Variants in BBS9 observed in about 807,000 individuals in gnomAD.
The protein encoded by BBS9 is protein PTHB1.
In BBS9, 89 loss-of-function variants were observed where a neutral mutation model predicts 117.7. The ratio of observed to expected loss-of-function variants is 0.76; its 90% confidence interval spans 0.64 to 0.90. The LOEUF (loss-of-function observed/expected upper bound fraction) is 0.90. Among genes scored for constraint, BBS9 ranks in the 40% least tolerant of loss-of-function variants. BBS9 has a pLI of 0.00. For synonymous variants in BBS9, 379 were observed against 370.9 expected, an observed-to-expected ratio of 1.02 and a Z score of -0.25; for missense variants, 982 against 1,042.2, an observed-to-expected ratio of 0.94 and a Z score of 0.80.
At chr7:33,584,721 C>T (rs868830890) in intron 21 of BBS9, among the ~76,000 whole-genome samples, 5 of 152,066 alleles carry the variant, frequency 3.3e-5, no homozygotes, top group African/African-American at 1.2e-4. Context: ...ATGGATTTTG[C>T]ATACATATAC....
chr7:33,503,609 C>T (rs1023676549), intron 19 of BBS9, among the ~76,000 whole-genome samples: 4 of 152,216 alleles, frequency 2.6e-5, no homozygotes, highest in East Asian at 1.9e-4. Context: ...CAATACTTCC[C>T]GCAAATTCTT....
intron 9 of BBS9, among the ~76,000 whole-genome samples, chr7:33,296,751 G>T (rs564874345): frequency 6.6e-6 from 1 of 152,178 alleles, no homozygotes; most frequent in Non-Finnish European, 1.5e-5. Context: ...AAGATTAAAG[G>T]CCCATGGCCC....
chr7:33,358,040 G>C (rs766037898), intron 16 of BBS9, 45 bp downstream of exon 16: 1 of 1,582,850 alleles, frequency 6.3e-7, no homozygotes. Context: ...AAAATGCTAA[G>C]AATTTAGAAT....
chr7:33,174,336 G>C (rs1797024078), intron 4 of BBS9, among the ~76,000 whole-genome samples: 1 of 152,138 alleles, frequency 6.6e-6, no homozygotes, highest in South Asian at 2.1e-4. Flanking sequence ...TCCCACTTCT[G>C]ACACCATCTG....
intron 19 of BBS9, among the ~76,000 whole-genome samples, chr7:33,442,897 A>C (rs890641706): frequency 1.1e-4 from 16 of 152,198 alleles, no homozygotes; most frequent in African/African-American, 3.9e-4. Context: ...CAGAAAGAAA[A>C]AAACACTCCT....
At chr7:33,539,724 T>C (rs1009978916) in intron 21 of BBS9, among the ~76,000 whole-genome samples, 1 of 152,242 alleles carries the variant, frequency 6.6e-6, no homozygotes, top group African/African-American at 2.4e-5. Flanking sequence ...TTTTCTTTTC[T>C]TTATTGTCAA....
intron 20 of BBS9, among the ~76,000 whole-genome samples, chr7:33,515,443 T>C (rs1436196464): frequency 6.6e-6 from 1 of 152,204 alleles, no homozygotes; most frequent in Non-Finnish European, 1.5e-5. Flanking sequence ...GGTGTGCCAC[T>C]GTTGCCTTCA....
At chr7:33,251,381 G>T (rs188580487) in intron 5 of BBS9, among the ~76,000 whole-genome samples, 3 of 152,226 alleles carry the variant, frequency 2.0e-5, no homozygotes, top group African/African-American at 4.8e-5. Context: ...GACTACTGGG[G>T]TACTAATTGG....
chr7:33,520,691 A>C (rs1848469719), intron 20 of BBS9, among the ~76,000 whole-genome samples: 1 of 152,190 alleles, frequency 6.6e-6, no homozygotes, highest in Non-Finnish European at 1.5e-5. Context: ...AATAAGTGCA[A>C]GTCATAGTGT....
downstream of BBS9, among the ~76,000 whole-genome samples, chr7:33,609,549 A>G (rs566222615): frequency 1.3e-5 from 2 of 152,188 alleles, no homozygotes; most frequent in East Asian, 3.9e-4. Flanking sequence ...GTAATTGTAT[A>G]CTCTGAATTA....
At chr7:33,595,310 A>T (rs1563420941) in intron 21 of BBS9, among the ~76,000 whole-genome samples, 1 of 152,214 alleles carries the variant, frequency 6.6e-6, no homozygotes, top group South Asian at 2.1e-4. Flanking sequence ...CAATGGTCTA[A>T]TATCCAGAAT....
chr7:33,620,853 A>G (rs1865370403), intron 21 of BBS9, among the ~76,000 whole-genome samples: 1 of 152,230 alleles, frequency 6.6e-6, no homozygotes, highest in Admixed American at 6.5e-5. Flanking sequence ...ACAAAGCTAT[A>G]GTAATCAAAA....
intron 19 of BBS9, among the ~76,000 whole-genome samples, chr7:33,407,725 A>C (rs12674317): frequency 0.045 from 6,858 of 152,288 alleles, 203 homozygotes; most frequent in East Asian, 0.14. Flanking sequence ...CCTGGGTATC[A>C]GCAGCGGTGT....
chr7:33,510,513 A>G (rs551065465), intron 20 of BBS9, among the ~76,000 whole-genome samples: 61 of 152,182 alleles, frequency 4.0e-4, no homozygotes, highest in Non-Finnish European at 7.1e-4. Flanking sequence ...TATTCATTCA[A>G]TGAAGATCTT....
chr7:33,366,598 G>A (rs1415866265), intron 16 of BBS9, among the ~76,000 whole-genome samples: 5 of 127,230 alleles, frequency 3.9e-5, no homozygotes, highest in Non-Finnish European at 7.8e-5. Flanking sequence ...AGGCTGGAGT[G>A]CAGTGGCACG....
intron 17 of BBS9, among the ~76,000 whole-genome samples, chr7:33,368,871 T>A (rs935463401): frequency 2.6e-5 from 4 of 152,144 alleles, no homozygotes; most frequent in Middle Eastern, 3.2e-3. Flanking sequence ...ATATGTCAAT[T>A]GGTGACTGGT....
chr7:33,229,032 G>A (rs1254649097), intron 5 of BBS9, among the ~76,000 whole-genome samples: 1 of 152,050 alleles, frequency 6.6e-6, no homozygotes, highest in Non-Finnish European at 1.5e-5. Flanking sequence ...GAAGACTTAG[G>A]CTTTATTTAT....
At position 33,438,122 on chromosome 7, in the gene BBS9, A is replaced by G. The variant is rs772639414; in HGVS notation, c.2115+49978A>G. Among the ~76,000 whole-genome samples the G allele has an allele frequency of 3.3e-5, 5 of 152,150 alleles. 1 individual carries two copies. Among genetic ancestry groups the G allele is most frequent in the Admixed American group, 2.6e-4 (4 of 15,272 alleles). ...TTTATTTAAAATACCACAGAACTAA[A>G]CCAATTGGCTATCTATATATAAAAA... is the stretch of plus-strand genomic sequence containing the variant. On this transcript the variant is annotated intron_variant, in intron 19 of 22. Coordinates refer to ENST00000242067, the MANE Select transcript of BBS9 (RefSeq NM_198428.3).
At chr7:33,501,497 C>T (rs1253965441) in intron 19 of BBS9, among the ~76,000 whole-genome samples, 7 of 152,178 alleles carry the variant, frequency 4.6e-5, no homozygotes, top group African/African-American at 7.2e-5. Flanking sequence ...GAGACTTAGA[C>T]GATGCTTCTG....
Sources: allele counts gnomAD v4.1 joint callset (sites outside exome capture counted in the v4.1 genomes callset), GRCh38; gene constraint gnomAD v4.1.1; transcripts MANE v1.5; gene names NCBI Gene and HGNC (gene_info 2026-07-23, HGNC 2026-07-21).